The following ANKRD13C variants were observed in gnomAD, a reference collection of about 807,000 sequenced individuals.
The protein encoded by ANKRD13C is ankyrin repeat domain-containing protein 13C.
A neutral mutation model predicts 65.5 loss-of-function variants in ANKRD13C; 16 were observed. The observed-to-expected ratio is 0.24, with a 90% CI of 0.17 to 0.37. The LOEUF is 0.37. Among genes scored for constraint, ANKRD13C ranks in the 10% least tolerant of loss-of-function variants. ANKRD13C has a pLI of 1.00. For missense variants in ANKRD13C, 503 were observed against 655.9 expected, an observed-to-expected ratio of 0.77 and a Z score of 2.55; for synonymous variants, 235 against 238.7, an observed-to-expected ratio of 0.98 and a Z score of 0.14.
chr1:70,351,923 T>C (rs1320272139), intron 1 of ANKRD13C, among the ~76,000 whole-genome samples: 1 of 152,184 alleles, frequency 6.6e-6, no homozygotes, highest in African/African-American at 2.4e-5. Flanking sequence ...GAGATGAGCA[T>C]GTACACATTG....
intron 5 of ANKRD13C, among the ~76,000 whole-genome samples, chr1:70,312,019 A>AT (rs1423152522): frequency 6.6e-6 from 1 of 152,172 alleles, no homozygotes; most frequent in Non-Finnish European, 1.5e-5. Context: ...GAAAACTACT[A>AT]TTTTTTCATA....
intron 11 of ANKRD13C, among the ~76,000 whole-genome samples, chr1:70,273,660 A>ATTTTTT (rs1250495126): frequency 6.6e-6 from 1 of 151,686 alleles, no homozygotes; most frequent in Non-Finnish European, 1.5e-5. Flanking sequence ...AGACACACTC[A>ATTTTTT]TTTTTTCTTT....
intron 3 of ANKRD13C, among the ~76,000 whole-genome samples, chr1:70,318,741 G>A (rs1308652086): frequency 6.8e-6 from 1 of 147,816 alleles, no homozygotes; most frequent in Non-Finnish European, 1.5e-5. Context: ...GGAATGCAGC[G>A]GCGCAATCTT....
In ANKRD13C at chr1:70,290,036, G is replaced by T. The variant is rs538844342; in HGVS notation, c.1215+2352C>A. On this transcript the variant is annotated intron_variant, in intron 9 of 12. Coordinates refer to ENST00000370944, the MANE Select transcript of ANKRD13C (RefSeq NM_030816.5). ...CTGAGAGATCAGTAAATACTAGCAG[G>T]CTCCTGGAAAAATGAAGTCTGGTGA... is the stretch of plus-strand genomic sequence containing the variant. 5.4e-4 allele frequency among the ~76,000 whole-genome samples: 82 copies of T among 152,070 alleles called. 1 individual carries two copies. Among genetic ancestry groups the T allele is most frequent in the Non-Finnish European group, 9.0e-4 (61 of 68,014 alleles).
At chr1:70,324,805 T>C in intron 3 of ANKRD13C, 48 bp downstream of exon 3, 1 of 1,344,642 alleles carries the variant, frequency 7.4e-7, no homozygotes, top group Non-Finnish European at 1.0e-6. Context: ...AATGCATCAC[T>C]TCATATTTTT....
At chr1:70,306,178 TA>T in intron 6 of ANKRD13C, 45 bp downstream of exon 6, 1 of 1,391,932 alleles carries the variant, frequency 7.2e-7, no homozygotes, top group Non-Finnish European at 9.8e-7. Flanking sequence ...AATCTTCCTC[TA>T]AATCTCAACT....
At chr1:70,345,256 C>A (rs1350088115) in intron 1 of ANKRD13C, among the ~76,000 whole-genome samples, 1 of 151,896 alleles carries the variant, frequency 6.6e-6, no homozygotes, top group African/African-American at 2.4e-5. Flanking sequence ...ATGGAGAAAC[C>A]CCGTCTCTAC....
At chr1:70,335,011 TAAC>T (rs975695650) in intron 2 of ANKRD13C, among the ~76,000 whole-genome samples, 16 of 152,118 alleles carry the variant, frequency 1.1e-4, no homozygotes, top group African/African-American at 7.2e-5. Flanking sequence ...TTATACCATA[TAAC>T]AACAACAGAT....
intron 1 of ANKRD13C, among the ~76,000 whole-genome samples, chr1:70,342,933 G>C (rs1359473825): frequency 6.6e-6 from 1 of 152,156 alleles, no homozygotes; most frequent in Middle Eastern, 3.2e-3. Flanking sequence ...GAGTCCACCA[G>C]AGTCTAGACA....
intron 2 of ANKRD13C, among the ~76,000 whole-genome samples, chr1:70,333,241 G>A (rs1430731440): frequency 6.6e-6 from 1 of 151,828 alleles, no homozygotes; most frequent in South Asian, 2.1e-4. Flanking sequence ...GAGTAAATAC[G>A]TGTAAAGTAC....
intron 1 of ANKRD13C, among the ~76,000 whole-genome samples, chr1:70,346,397 A>C (rs964488871): frequency 3.9e-5 from 6 of 152,146 alleles, no homozygotes; most frequent in African/African-American, 1.4e-4. Flanking sequence ...ACTTGCACTA[A>C]GATGTCAACA....
intron 5 of ANKRD13C, among the ~76,000 whole-genome samples, chr1:70,312,495 G>A (rs1161894855): frequency 1.3e-5 from 2 of 151,486 alleles, no homozygotes; most frequent in Non-Finnish European, 2.9e-5. Context: ...TCTAGAATTT[G>A]TTTTTAAATG....
In ANKRD13C at chr1:70,292,541, T is replaced by C. The variant is rs745580833; in HGVS notation, c.1062A>G (p.Val354=). 6.3e-7 allele frequency: 1 copy of C among 1,590,298 alleles called. No individual in the cohort carries two copies. Among genetic ancestry groups the C allele is most frequent in the Non-Finnish European group, 8.5e-7 (1 of 1,174,376 alleles). Reference sequence around the variant, plus strand: ...GGTAAAAGTCTGCCAAAAAGTTTCCTACTCTTTCCTAAAACAAAACCAAAT... The same window carrying C: ...GGTAAAAGTCTGCCAAAAAGTTTCCCACTCTTTCCTAAAACAAAACCAAAT... ...WLFREDKTER[V]GNFLADFYLV... Residue 354 remains valine, a synonymous_variant, in exon 9 of 13, where the codon GTA becomes GTG. Coordinates refer to ENST00000370944, the MANE Select transcript of ANKRD13C (RefSeq NM_030816.5).
intron 7 of ANKRD13C, among the ~76,000 whole-genome samples, 170 bp downstream of exon 7, chr1:70,300,594 A>G (rs557628702): frequency 1.9e-3 from 284 of 152,296 alleles, no homozygotes; most frequent in Non-Finnish European, 2.6e-3. Context: ...GTCTCAAAAA[A>G]AAGAAAAAGA....
chr1:70,264,330 G>A (rs1279920822), intron 12 of ANKRD13C, among the ~76,000 whole-genome samples: 1 of 151,926 alleles, frequency 6.6e-6, no homozygotes. Flanking sequence ...ACAAAAATTA[G>A]CTGGGTGTGG....
intron 1 of ANKRD13C, among the ~76,000 whole-genome samples, chr1:70,347,078 C>A (rs1472220747): frequency 8.9e-6 from 1 of 112,172 alleles, no homozygotes; most frequent in African/African-American, 3.5e-5. Context: ...GGTGACAGAG[C>A]GAGGCTCCGT....
chr1:70,352,339 C>CAAAAAA (rs397965041), intron 1 of ANKRD13C, among the ~76,000 whole-genome samples: 11 of 60,764 alleles, frequency 1.8e-4, no homozygotes, highest in Non-Finnish European at 2.2e-4. Context: ...GACTCCGTCT[C>CAAAAAA]AAAAAAAAAA....
chr1:70,341,365 T>G (rs534534823), intron 1 of ANKRD13C, among the ~76,000 whole-genome samples: 1,110 of 68,976 alleles, frequency 0.016, 10 homozygotes, highest in South Asian at 0.092. Flanking sequence ...TTTTGTGTGT[T>G]TTTTTTTTTT....
chr1:70,295,937 C>G (rs1365886443), intron 8 of ANKRD13C, among the ~76,000 whole-genome samples, 193 bp downstream of exon 8: 2 of 152,206 alleles, frequency 1.3e-5, no homozygotes, highest in Non-Finnish European at 2.9e-5. Context: ...GCTCAGCTTT[C>G]TTTCCTGAAT....
Sources: gnomAD v4.1 joint callset for allele counts (sites outside exome capture counted in the v4.1 genomes callset) on GRCh38, gnomAD v4.1.1 for gene constraint, MANE v1.5 for transcripts, NCBI Gene and HGNC (gene_info 2026-07-23, HGNC 2026-07-21) for gene names.